EP300: variants seen among roughly 807,000 people sequenced by gnomAD.
EP300 encodes EP300 lysine acetyltransferase.
Under a neutral mutation model 264.0 loss-of-function variants are expected in EP300, and 31 were observed. That is an observed-to-expected ratio of 0.12 (90% CI 0.09 to 0.16). The LOEUF (loss-of-function observed/expected upper bound fraction) is 0.16, where lower values mean the gene tolerates loss of function less well. EP300 is among the 10% of genes least tolerant of loss of function. EP300 has a pLI of 1.00. For synonymous variants in EP300, 1,340 were observed against 1,045.4 expected (o/e 1.28, Z -5.44); for missense variants, 2,766 against 3,052.9 (o/e 0.91, Z 2.21).
chr22:41,151,867 T>C lies in EP300; in HGVS notation c.2852T>C (p.Val951Ala). 1.2e-6 allele frequency: 2 copies of C among 1,614,126 alleles called. No individual in the cohort carries two copies. Among genetic ancestry groups the C allele is most frequent in the Non-Finnish European group, 1.7e-6 (2 of 1,180,032 alleles). The change falls in exon 15 of 31, where the codon GTA becomes GCA. Residue 951 changes from valine (V) to alanine (A), a missense_variant. Transcript: ENST00000263253. The part of the protein sequence containing the change: ...SQPAVSIEGQ[V>A]SNPPSTSSTE... Reference sequence around the variant, plus strand: ...CCAGCTGTAAGCATTGAAGGACAGGTATCAAATCCTCCATCTACTAGTAGC... The same window carrying C: ...CCAGCTGTAAGCATTGAAGGACAGGCATCAAATCCTCCATCTACTAGTAGC...
chr22:41,150,526 A>C (rs564363075), intron 14 of EP300, among the ~76,000 whole-genome samples: 2 of 152,216 alleles, frequency 1.3e-5, no homozygotes, highest in East Asian at 3.9e-4. Context: ...GCAGCACATA[A>C]ATTTTACATA....
intron 19 of EP300, 91 bp downstream of exon 19, chr22:41,158,591 A>G (rs576371306): frequency 3.9e-6 from 4 of 1,028,562 alleles, no homozygotes; most frequent in South Asian, 2.6e-5. Flanking sequence ...GTCATGGTTC[A>G]TGTGTATCTT....
chr22:41,166,807 C>T (rs1477167000), intron 23 of EP300, 141 bp downstream of exon 23: 1 of 566,840 alleles, frequency 1.8e-6, no homozygotes, highest in African/African-American at 1.9e-5. Flanking sequence ...TATAGTTGAT[C>T]TGTAATATAT....
In EP300 at chr22:41,177,045, G is replaced by T; in HGVS notation, c.5334G>T (p.Gly1778=). The change falls in exon 31 of 31, where the codon GGG becomes GGT. Residue 1778 remains glycine, a synonymous_variant. Transcript: ENST00000263253. ...GTTGCAAACGGAAAACCAATGGCGG[G>T]TGCCCCATCTGCAAGCAGCTCATTG... ...TKGCKRKTNG[G]CPICKQLIAL... is the part of the protein sequence containing the mutation. 6.2e-7 allele frequency: 1 copy of T among 1,614,112 alleles called. No homozygotes were observed. The highest frequency in any genetic ancestry group is 2.2e-5 in the East Asian group (1 of 44,868).
intron 2 of EP300, among the ~76,000 whole-genome samples, chr22:41,119,077 A>G (rs2058837090): frequency 7.0e-6 from 1 of 142,490 alleles, no homozygotes; most frequent in Admixed American, 7.4e-5. Context: ...ATCATGGCTT[A>G]CTGCAGCCTC....
intron 1 of EP300, among the ~76,000 whole-genome samples, chr22:41,101,917 G>A (rs762191924): frequency 3.9e-5 from 6 of 151,922 alleles, no homozygotes; most frequent in Non-Finnish European, 5.9e-5. Context: ...ACTTAAGGAA[G>A]AACTACCTTT....
chr22:41,117,876 G>A (rs1248091635), intron 2 of EP300, 55 bp downstream of exon 2: 1 of 1,610,784 alleles, frequency 6.2e-7, no homozygotes, highest in African/African-American at 1.3e-5. Context: ...GTATTGTCAT[G>A]ATGGATGGAG....
At chr22:41,174,036 A>T (rs2059186105) in intron 29 of EP300, among the ~76,000 whole-genome samples, 1 of 152,046 alleles carries the variant, frequency 6.6e-6, no homozygotes, top group South Asian at 2.1e-4. Context: ...CTTGAACCTG[A>T]GAAGCGGAGA....
At chr22:41,149,234 A>G (rs933034280) in intron 13 of EP300, 59 bp downstream of exon 13, 4 of 1,598,480 alleles carry the variant, frequency 2.5e-6, no homozygotes, top group Non-Finnish European at 3.4e-6. Context: ...CTCTTGATGT[A>G]GGTTTTTATA....
chr22:41,125,428 GT>G (rs113266126), intron 2 of EP300, among the ~76,000 whole-genome samples: 4,687 of 148,212 alleles, frequency 0.032, 214 homozygotes, highest in African/African-American at 0.1. Flanking sequence ...GTTTTTTGGG[GT>G]TTTTTTTTTG....
At chr22:41,174,091 CAA>C (rs1006695373) in intron 29 of EP300, among the ~76,000 whole-genome samples, 3 of 151,794 alleles carry the variant, frequency 2.0e-5, no homozygotes, top group African/African-American at 7.3e-5. Flanking sequence ...GCCTGGGCAA[CAA>C]GAGCGAAACT....
intron 5 of EP300, 65 bp from the exon 6 acceptor site, chr22:41,131,323 G>A: frequency 1.3e-6 from 2 of 1,541,310 alleles, no homozygotes; most frequent in African/African-American, 1.4e-5. Context: ...TTTTTTATTA[G>A]ACATGTTAGT....
At position 41,131,455 on chromosome 22, in the gene EP300, C is replaced by T. The variant is rs1348701824; in HGVS notation, c.1350C>T (p.Ala450=). The change falls in exon 6 of 31, where the codon GCC becomes GCT. Residue 450 remains alanine, a synonymous_variant. Coordinates refer to ENST00000263253, the MANE Select transcript of EP300 (RefSeq NM_001429.4). ...CTCTAGGGGTGGGTCAACAGTCTGC[C>T]CCCAACCTAAGCACTGTTAGTCAGA... is the stretch of plus-strand genomic sequence containing the variant. ...PSSLGVGQQS[A]PNLSTVSQID... 4 of 1,613,898 alleles carry T rather than the reference C, an allele frequency of 2.5e-6. No homozygotes were observed. The highest frequency in any genetic ancestry group is 1.3e-5 in the African/African-American group (1 of 74,876).
At chr22:41,174,727 T>A (rs144785079) in intron 29 of EP300, 2 of 152,150 alleles carry the variant, frequency 1.3e-5, no homozygotes, top group African/African-American at 2.4e-5. Flanking sequence ...CTCAGACATA[T>A]AATCAAGTTC....
intron 1 of EP300, among the ~76,000 whole-genome samples, chr22:41,114,718 A>C (rs2058811936): frequency 6.6e-6 from 1 of 151,804 alleles, no homozygotes; most frequent in African/African-American, 2.4e-5. Context: ...GGTTGGAGTG[A>C]GGGGTGGTCA....
chr22:41,153,768 T>C (rs1274165663), intron 16 of EP300, among the ~76,000 whole-genome samples: 1 of 152,120 alleles, frequency 6.6e-6, no homozygotes, highest in African/African-American at 2.4e-5. Flanking sequence ...ATAAATAAAA[T>C]AAAATGTCTA....
At chr22:41,150,599 G>A (rs1036226891) in intron 14 of EP300, among the ~76,000 whole-genome samples, 11 of 152,006 alleles carry the variant, frequency 7.2e-5, no homozygotes, top group African/African-American at 2.7e-4. Context: ...TTTAAAAATT[G>A]CAGATTTGGA....
Position 41,117,475 on chromosome 22 carries a change from A to T in EP300, c.383A>T (p.Gln128Leu), listed in dbSNP as rs149380994. Reference protein sequence around the residue: ...INSMVKSPMTQAGLTSPNMGM... With the variant: ...INSMVKSPMTLAGLTSPNMGM... ...AGCATGGTCAAAAGCCCAATGACACAGGCAGGCTTGACTTCTCCCAACATG... is the reference window on the plus strand; with the variant it reads ...AGCATGGTCAAAAGCCCAATGACACTGGCAGGCTTGACTTCTCCCAACATG... Residue 128 changes from glutamine (Q) to leucine (L), a missense_variant, in exon 2 of 31, where the codon CAG becomes CTG. Physicochemically the swap from Gln to Leu is moderately radical, Grantham distance 113. Transcript: ENST00000263253. 3.1e-6 allele frequency: 5 copies of T among 1,613,658 alleles called. No individual in the cohort carries two copies. In the African/African-American group the frequency reaches 6.7e-5, roughly 22 times the overall value.
At chr22:41,100,342 T>G (rs1027310529) in intron 1 of EP300, among the ~76,000 whole-genome samples, 2 of 152,210 alleles carry the variant, frequency 1.3e-5, no homozygotes, top group African/African-American at 4.8e-5. Context: ...GATGAACTCC[T>G]GTATAGATAG....
Sources: gnomAD v4.1 joint callset for allele counts (sites outside exome capture counted in the v4.1 genomes callset) on GRCh38, gnomAD v4.1.1 for gene constraint, MANE v1.5 for transcripts, NCBI Gene and HGNC (gene_info 2026-07-23, HGNC 2026-07-21) for gene names.